RASIP1: variants seen among roughly 807,000 people sequenced by gnomAD.
RASIP1 encodes ras-interacting protein 1.
RASIP1 carries 20 observed loss-of-function variants against 85.3 expected under a neutral mutation model. That is an observed-to-expected ratio of 0.23 (90% CI 0.17 to 0.34). RASIP1 has a LOEUF of 0.34. Ranked by LOEUF, RASIP1 falls within the 10% of genes least tolerant of loss-of-function variation. The probability of loss-of-function intolerance (pLI) is 1.00; values close to 1 mark genes in which losing one functional copy is unlikely to be tolerated. For missense variants in RASIP1, 1,170 were observed against 1,390.9 expected, an observed-to-expected ratio of 0.84 and a Z score of 2.53; for synonymous variants, 617 against 647.1, an observed-to-expected ratio of 0.95 and a Z score of 0.71.
Position 48,735,390 on chromosome 19 carries a change from C to G in RASIP1, c.985G>C (p.Glu329Gln). Residue 329 changes from glutamate (E) to glutamine (Q), a missense_variant, in exon 4 of 12, where the codon GAG becomes CAG. Physicochemically the swap from Glu to Gln is conservative, Grantham distance 29. Transcript: ENST00000222145. ...ENLSLRRSVS[E>Q]LSLQGRRRRQ... ...CGCCGCCGCCCCTGAAGGCTAAGCT[C>G]CGACACGCTGCGCCGCAAAGACAAG... 6.2e-7 allele frequency: 1 copy of G among 1,613,172 alleles called. No homozygotes were observed. The highest frequency in any genetic ancestry group is 8.5e-7 in the Non-Finnish European group (1 of 1,179,808).
Position 48,740,192 on chromosome 19 carries a change from G to A in RASIP1, c.91C>T (p.Gln31Ter). ...VGLWINSPRK[Q>*]LAKLGRRWPS... is the part of the protein sequence containing the mutation. The stretch of plus-strand genomic sequence containing the variant: ...CAGCGCCGCCCCAGCTTCGCCAGCT[G>A]CTTCCTGGGGGAATTGATCCACAGG... Residue 31 changes from glutamine (Q) to a stop codon, truncating the protein, a stop_gained, in exon 2 of 12, where the codon CAG becomes TAG. Transcript: ENST00000222145. LOFTEE classifies it high-confidence loss of function. This position sits in a 1 kb window ranked among gnomAD's most constrained non-coding sequence, Gnocchi z 5.5. The A allele has an allele frequency of 1.3e-6, 2 of 1,591,754 alleles. No individual in the cohort carries two copies. Among genetic ancestry groups the A allele is most frequent in the Non-Finnish European group, 1.7e-6 (2 of 1,172,862 alleles).
chr19:48,732,404 C>T (rs919059251), intron 4 of RASIP1, among the ~76,000 whole-genome samples: 3 of 151,828 alleles, frequency 2.0e-5, no homozygotes, highest in African/African-American at 7.3e-5. Context: ...TACACGTGCC[C>T]GCCACCACGC....
At chr19:48,736,996 A>G (rs1432611118) in intron 3 of RASIP1, among the ~76,000 whole-genome samples, 1 of 152,190 alleles carries the variant, frequency 6.6e-6, no homozygotes, top group Non-Finnish European at 1.5e-5. Flanking sequence ...TGATCGTGCC[A>G]CTGCACTCCA....
chr19:48,731,028 C>T (rs376725391), intron 4 of RASIP1, among the ~76,000 whole-genome samples: 25 of 152,048 alleles, frequency 1.6e-4, no homozygotes, highest in African/African-American at 4.1e-4. Context: ...AGAGGCCGGG[C>T]GCAGTGGAGA....
At chr19:48,737,853 C>T (rs2033601710) in intron 3 of RASIP1, 1 of 984,260 alleles carries the variant, frequency 1.0e-6, no homozygotes, top group African/African-American at 1.7e-5. Context: ...ATCTGCTCTG[C>T]ATCGCTCCCA....
At position 48,720,760 on chromosome 19, in the gene RASIP1, G is replaced by A. The variant is rs1262143165; in HGVS notation, c.*38C>T. ...CGGGCTCCTGTCCGTAGAAGCCCGT[G>A]ACATTTCAAGGTTCGCGCGCTCGTT... On this transcript the variant is annotated 3_prime_UTR_variant, in exon 12 of 12. Transcript: ENST00000222145. 1.1e-5 allele frequency: 17 copies of A among 1,600,794 alleles called. No homozygotes were observed. The highest frequency in any genetic ancestry group is 2.2e-5 in the East Asian group (1 of 44,790).
chr19:48,736,975 G>A (rs191736591), intron 3 of RASIP1, among the ~76,000 whole-genome samples: 3 of 152,216 alleles, frequency 2.0e-5, no homozygotes, highest in Non-Finnish European at 2.9e-5. Context: ...GGTGGAGGTC[G>A]CAGTGAGCCA....
intron 4 of RASIP1, among the ~76,000 whole-genome samples, chr19:48,730,290 C>T (rs1198702516): frequency 6.6e-6 from 1 of 152,010 alleles, no homozygotes; most frequent in East Asian, 1.9e-4. Context: ...CTCAACCTCC[C>T]GAGTAGTTGA....
chr19:48,722,300 ATTTTTT>A (rs71179038), intron 10 of RASIP1, among the ~76,000 whole-genome samples: 5 of 98,306 alleles, frequency 5.1e-5, no homozygotes, highest in East Asian at 6.0e-4. Context: ...GTACTTGGGG[ATTTTTT>A]TTTTTTTTTT....
In RASIP1 at chr19:48,740,176, C is replaced by T; in HGVS notation, c.107G>A (p.Gly36Glu). The change falls in exon 2 of 12, where the codon GGG (glycine) becomes GAG (glutamate). Residue 36 changes from glycine (G) to glutamate (E), a missense_variant. Coordinates refer to ENST00000222145, the MANE Select transcript of RASIP1 (RefSeq NM_017805.3). The surrounding 1 kb of genome is among the most constrained non-coding windows in gnomAD (Gnocchi z 5.5). ...NSPRKQLAKLGRRWPSAASVK... is the reference protein window; with the variant it reads ...NSPRKQLAKLERRWPSAASVK... The stretch of plus-strand genomic sequence containing the variant: ...AGAGGCTGCGCTGGGCCAGCGCCGC[C>T]CCAGCTTCGCCAGCTGCTTCCTGGG... 6.3e-7 allele frequency: 1 copy of T among 1,595,848 alleles called. No individual in the cohort carries two copies. The highest frequency in any genetic ancestry group is 8.5e-7 in the Non-Finnish European group (1 of 1,173,754).
intron 4 of RASIP1, among the ~76,000 whole-genome samples, chr19:48,731,767 C>G (rs557853140): frequency 6.6e-6 from 1 of 152,180 alleles, no homozygotes. Context: ...AAGATTTGCT[C>G]ATCTACCCTT....
In RASIP1 at chr19:48,729,011, C is replaced by T; in HGVS notation, c.1759G>A (p.Ala587Thr). 4 of 1,448,596 alleles carry T rather than the reference C, an allele frequency of 2.8e-6. No homozygotes were observed. The highest frequency in any genetic ancestry group is 3.6e-6 in the Non-Finnish European group (4 of 1,109,778). 89.7% of individuals were successfully genotyped at this position (1,448,596 alleles called of 1,614,324 possible). A position where few individuals can be genotyped will look rare whatever the true frequency, so the allele number is the denominator to read the frequency against. The change falls in exon 5 of 12, where the codon GCC (alanine) becomes ACC (threonine). Residue 587 changes from alanine (A) to threonine (T), a missense_variant. By Grantham distance (58) the Ala-to-Thr change is moderately conservative. This residue lies in a region of RASIP1 where 426 missense variants were observed against 576.2 expected (regional missense o/e 0.74). Transcript: ENST00000222145. Reference protein sequence around the residue: ...TLLALCVQHSARELELGHLPR... With the variant: ...TLLALCVQHSTRELELGHLPR... ...AGGTGGCCCAGCTCCAGCTCACGGG[C>T]GGAATGCTGCACGCACAGCGCCAGC...
chr19:48,729,496 T>A lies in RASIP1; in HGVS notation c.1274A>T (p.Asp425Val). The A allele has an allele frequency of 6.3e-7, 1 of 1,590,618 alleles. No homozygotes were observed. Among genetic ancestry groups the A allele is most frequent in the Non-Finnish European group, 8.6e-7 (1 of 1,169,214 alleles). Residue 425 changes from aspartate (D) to valine (V), a missense_variant, in exon 5 of 12, where the codon GAC (aspartate) becomes GTC (valine). Physicochemically the swap from Asp to Val is radical, Grantham distance 152 (BLOSUM62 -3). Coordinates refer to ENST00000222145, the MANE Select transcript of RASIP1 (RefSeq NM_017805.3). ...GRGGSPAPYV[D>V]TFLNAPDILP... Reference sequence around the variant, plus strand: ...GATGTCCGGGGCGTTGAGGAAGGTGTCCACATAGGGAGCCGGGGACCCCCC... The same window carrying A: ...GATGTCCGGGGCGTTGAGGAAGGTGACCACATAGGGAGCCGGGGACCCCCC...
chr19:48,737,582 C>G, intron 3 of RASIP1: 1 of 985,454 alleles, frequency 1.0e-6, no homozygotes. Context: ...CTCAGCGGCT[C>G]CGCCCATCTT....
chr19:48,735,267 T>C lies in RASIP1; in HGVS notation c.1108A>G (p.Thr370Ala). 6.2e-7 allele frequency: 1 copy of C among 1,613,862 alleles called. No individual in the cohort carries two copies. Among genetic ancestry groups the C allele is most frequent in the Non-Finnish European group, 8.5e-7 (1 of 1,179,906 alleles). ...CTGGGGGCCTGGATGAGGCACTGAG[T>C]CAACTGATCGAAGTCCCCGGGGTCT... ...TADPGDFDQL[T>A]QCLIQAPSNR... Residue 370 changes from threonine (T) to alanine (A), a missense_variant, in exon 4 of 12, where the codon ACT becomes GCT. Physicochemically the swap from Thr to Ala is moderately conservative, Grantham distance 58 (BLOSUM62 0). Transcript: ENST00000222145.
intron 4 of RASIP1, among the ~76,000 whole-genome samples, chr19:48,734,040 A>C (rs1192794606): frequency 6.6e-6 from 1 of 152,146 alleles, no homozygotes; most frequent in Non-Finnish European, 1.5e-5. Flanking sequence ...TTACGCCAGT[A>C]ATCCCAGCAC....
At position 48,724,346 on chromosome 19, in the gene RASIP1, G is replaced by A. The variant is rs2033305030; in HGVS notation, c.2535C>T (p.Ser845=). The stretch of plus-strand genomic sequence containing the variant: ...GCTGACCAGGAGTCACCTTGAGCAG[G>A]GAAGTGCGGGGCACACAGAGCAGGT... The part of the protein sequence containing the change: ...AVNLLCVPRT[S]LLKASWSSLR... Residue 845 remains serine (S), a synonymous_variant, in exon 10 of 12, where the codon TCC becomes TCT. Coordinates refer to ENST00000222145, the MANE Select transcript of RASIP1 (RefSeq NM_017805.3). The surrounding 1 kb of genome is among the most constrained non-coding windows in gnomAD (Gnocchi z 4.6). The A allele has an allele frequency of 2.5e-6, 4 of 1,613,886 alleles. No individual in the cohort carries two copies. The highest frequency in any genetic ancestry group is 1.1e-5 in the South Asian group (1 of 91,046).
In RASIP1 at chr19:48,740,554, G is replaced by C. The variant is rs2033656580; in HGVS notation, c.-38C>G. 7.9e-6 allele frequency: 11 copies of C among 1,383,978 alleles called. No individual in the cohort carries two copies. The highest frequency in any genetic ancestry group is 9.3e-6 in the Non-Finnish European group (10 of 1,074,714). 85.7% of individuals were successfully genotyped at this position (1,383,978 alleles called of 1,614,324 possible). A position where few individuals can be genotyped will look rare whatever the true frequency, so the allele number is the denominator to read the frequency against. The stretch of plus-strand genomic sequence containing the variant: ...GGGTCCGGCACACCCGGAGGCCCTG[G>C]CTCCACTGGCCTGGGTCAGTTCCAC... On this transcript the variant is annotated 5_prime_UTR_variant, in exon 1 of 12. Coordinates refer to ENST00000222145, the MANE Select transcript of RASIP1 (RefSeq NM_017805.3). The surrounding 1 kb of genome is among the most constrained non-coding windows in gnomAD (Gnocchi z 5.5).
chr19:48,725,467 C>T (rs957552639), intron 8 of RASIP1: 1 of 156,330 alleles, frequency 6.4e-6, no homozygotes, highest in African/African-American at 2.4e-5. Context: ...AACTTAGAGA[C>T]TGATAGTTAG....
Sources: allele counts gnomAD v4.1 joint callset (sites outside exome capture counted in the v4.1 genomes callset), GRCh38; gene constraint gnomAD v4.1.1; regional missense constraint gnomAD v4.1.1; non-coding constraint Gnocchi (gnomAD v3.1); transcripts MANE v1.5; gene names NCBI Gene and HGNC (gene_info 2026-07-23, HGNC 2026-07-21).